Variants in EML4 observed in about 807,000 individuals in gnomAD.
EML4 encodes EMAP like 4.
A neutral mutation model predicts 129.0 loss-of-function variants in EML4; 72 were observed. That is an observed-to-expected ratio of 0.56 (90% CI 0.46 to 0.68). The LOEUF (loss-of-function observed/expected upper bound fraction) is 0.68. EML4 is among the 30% of genes least tolerant of loss of function. EML4 has a pLI of 0.00. For missense variants in EML4, 1,363 were observed against 1,190.6 expected (o/e 1.14, Z -2.13); for synonymous variants, 532 against 405.0 (o/e 1.31, Z -3.77).
intron 19 of EML4, among the ~76,000 whole-genome samples, chr2:42,323,417 G>A (rs1382437264): frequency 6.6e-6 from 1 of 152,092 alleles, no homozygotes; most frequent in African/African-American, 2.4e-5. Flanking sequence ...CCAATATACC[G>A]CTTAATTCTA....
chr2:42,217,323 C>G (rs1215174076), intron 1 of EML4, among the ~76,000 whole-genome samples: 4 of 152,012 alleles, frequency 2.6e-5, no homozygotes, highest in African/African-American at 9.7e-5. Context: ...AGTTGAGTCT[C>G]TAAGTTTTTT....
Position 42,288,291 on chromosome 2 carries a change from G to T in EML4, c.1187G>T (p.Trp396Leu). 6.4e-7 allele frequency: 1 copy of T among 1,574,506 alleles called. No homozygotes were observed. The highest frequency in any genetic ancestry group is 8.7e-7 in the Non-Finnish European group (1 of 1,148,976). Residue 396 changes from tryptophan to leucine, a missense_variant, in exon 11 of 23, where the codon TGG becomes TTG. Physicochemically the swap from Trp to Leu is moderately conservative, Grantham distance 61. Coordinates refer to ENST00000318522, the MANE Select transcript of EML4 (RefSeq NM_019063.5). ...SNEHMLTVWDWQKKAKGAEIK... is the reference protein window; with the variant it reads ...SNEHMLTVWDLQKKAKGAEIK... ...GAGCATATGCTTACTGTATGGGACTGGCAGAAGAAAGCAAAAGGAGCAGAA... is the reference window on the plus strand; with the variant it reads ...GAGCATATGCTTACTGTATGGGACTTGCAGAAGAAAGCAAAAGGAGCAGAA...
intron 19 of EML4, chr2:42,319,421 A>T (rs1669407453): frequency 6.6e-6 from 1 of 152,198 alleles, no homozygotes; most frequent in South Asian, 2.1e-4. Flanking sequence ...AGAAAGTATT[A>T]ATTTGAGATA....
intron 1 of EML4, among the ~76,000 whole-genome samples, chr2:42,222,714 C>G (rs2104121098): frequency 2.0e-5 from 3 of 152,288 alleles, no homozygotes; most frequent in Middle Eastern, 6.8e-3. Flanking sequence ...TTACTGGAAA[C>G]TAACTTAAAA....
intron 5 of EML4, 131 bp downstream of exon 5, chr2:42,263,437 G>A (rs1217641215): frequency 6.0e-6 from 5 of 828,684 alleles, no homozygotes; most frequent in Non-Finnish European, 8.2e-6. Flanking sequence ...ACAGAGTCTT[G>A]CTCTGTCGCC....
At chr2:42,302,647 C>G (rs1328372197) in intron 14 of EML4, among the ~76,000 whole-genome samples, 1 of 151,990 alleles carries the variant, frequency 6.6e-6, no homozygotes, top group African/African-American at 2.4e-5. Flanking sequence ...AATTCTCCTG[C>G]CTCAGCCTCC....
At chr2:42,223,787 C>T (rs1464112197) in intron 1 of EML4, among the ~76,000 whole-genome samples, 1 of 152,114 alleles carries the variant, frequency 6.6e-6, no homozygotes, top group African/African-American at 2.4e-5. Flanking sequence ...ATAATAGTCT[C>T]TTAAGAAATG....
chr2:42,264,261 C>T (rs192525781), intron 5 of EML4, among the ~76,000 whole-genome samples: 16 of 151,998 alleles, frequency 1.1e-4, no homozygotes, highest in South Asian at 6.2e-4. Flanking sequence ...ACTACAGACG[C>T]GTGCCACCAT....
chr2:42,208,641 G>T (rs1467821647), intron 1 of EML4, among the ~76,000 whole-genome samples: 2 of 151,722 alleles, frequency 1.3e-5, no homozygotes, highest in Non-Finnish European at 2.9e-5. Flanking sequence ...CACCATCTTG[G>T]CCAGGCTGGT....
intron 22 of EML4, among the ~76,000 whole-genome samples, 192 bp downstream of exon 22, chr2:42,329,208 G>A (rs1301886633): frequency 6.6e-6 from 1 of 152,222 alleles, no homozygotes; most frequent in African/African-American, 2.4e-5. Context: ...CTAAGGAGAA[G>A]TGAGCTGTAG....
chr2:42,186,006 CTGAAAGGTCATTATTTTA>C (rs1162024391), intron 1 of EML4, among the ~76,000 whole-genome samples: 4 of 152,062 alleles, frequency 2.6e-5, no homozygotes, highest in Non-Finnish European at 5.9e-5. Context: ...CATAGTAACT[CTGAAAGGTCATTATTTTA>C]TAATACCAAT....
chr2:42,234,118 G>C (rs1203672165), intron 1 of EML4, among the ~76,000 whole-genome samples: 2 of 152,250 alleles, frequency 1.3e-5, no homozygotes, highest in Admixed American at 1.3e-4. Flanking sequence ...CCTGTGTGTT[G>C]TGTGCTCACT....
intron 1 of EML4, among the ~76,000 whole-genome samples, chr2:42,188,554 C>G (rs907106105): frequency 6.6e-6 from 1 of 150,968 alleles, no homozygotes; most frequent in African/African-American, 2.4e-5. Context: ...TTTAAAATTA[C>G]TTTTTTTTTG....
chr2:42,282,000 TC>T (rs1667037948), intron 7 of EML4, among the ~76,000 whole-genome samples: 1 of 152,192 alleles, frequency 6.6e-6, no homozygotes, highest in Non-Finnish European at 1.5e-5. Flanking sequence ...ACCAAACTGT[TC>T]CTTGCTATTA....
At chr2:42,268,202 T>A (rs564828418) in intron 6 of EML4, among the ~76,000 whole-genome samples, 2 of 152,344 alleles carry the variant, frequency 1.3e-5, no homozygotes, top group Non-Finnish European at 2.9e-5. Flanking sequence ...AAGTTCCATC[T>A]GTGGTGAACA....
chr2:42,263,380 T>C (rs1010324381), intron 5 of EML4, 74 bp downstream of exon 5: 135 of 1,211,528 alleles, frequency 1.1e-4, no homozygotes, highest in Middle Eastern at 2.8e-4. Context: ...TGTACAGTTA[T>C]GTATGTCTGG....
rs184354602 is a variant in EML4, at chr2:42,277,842, C to G, written c.668-3008C>G. ...TCGGCCTCCCAAAGTGCTGGGATTA[C>G]AGGCATGAGCCACCATGCCCAGCCC... is the stretch of plus-strand genomic sequence containing the variant. On this transcript the variant is annotated intron_variant, in intron 6 of 22. Transcript: ENST00000318522. Among the ~76,000 whole-genome samples, 91 of 152,360 alleles carry G rather than the reference C, an allele frequency of 6.0e-4. No individual in the cohort carries two copies. The Middle Eastern group carries it at 0.014, about 23-fold the overall frequency.
chr2:42,295,770 G>A (rs920698315), intron 13 of EML4, among the ~76,000 whole-genome samples: 8 of 152,254 alleles, frequency 5.3e-5, no homozygotes, highest in Middle Eastern at 3.4e-3. Flanking sequence ...AGAAAGAAAT[G>A]ATATGGATAT....
At chr2:42,317,570 A>G (rs758617751) in intron 19 of EML4, 46 bp downstream of exon 19, 18 of 1,406,206 alleles carry the variant, frequency 1.3e-5, no homozygotes, top group Non-Finnish European at 1.8e-5. Flanking sequence ...GGGAAATTTT[A>G]CTTCCGTTAA....
Sources: gnomAD v4.1 joint callset for allele counts (sites outside exome capture counted in the v4.1 genomes callset) on GRCh38, gnomAD v4.1.1 for gene constraint, MANE v1.5 for transcripts, NCBI Gene and HGNC (gene_info 2026-07-23, HGNC 2026-07-21) for gene names.